Variants in HPN observed in about 807,000 individuals in gnomAD.
The protein encoded by HPN is hepsin, also known as serine protease hepsin.
HPN carries 13 observed loss-of-function variants against 55.9 expected under a neutral mutation model. The observed-to-expected ratio is 0.23, with a 90% CI of 0.15 to 0.37. The LOEUF (loss-of-function observed/expected upper bound fraction) is 0.37. Ranked by LOEUF, HPN falls within the 10% of genes least tolerant of loss-of-function variation. HPN has a pLI of 1.00. For synonymous variants in HPN, 225 were observed against 240.3 expected, an observed-to-expected ratio of 0.94 and a Z score of 0.59; for missense variants, 451 against 575.8, an observed-to-expected ratio of 0.78 and a Z score of 2.22.
chr19:35,046,643 C>T (rs950607956), intron 2 of HPN, among the ~76,000 whole-genome samples: 56 of 152,190 alleles, frequency 3.7e-4, no homozygotes, highest in African/African-American at 1.3e-3. Context: ...GTGCCGGGTT[C>T]ACCAGCCACA....
intron 2 of HPN, among the ~76,000 whole-genome samples, chr19:35,047,357 TG>T (rs763269272): frequency 6.6e-6 from 1 of 152,192 alleles, no homozygotes; most frequent in Non-Finnish European, 1.5e-5. Context: ...TGCCCTTCCT[TG>T]TGGTCTGTGT....
chr19:35,055,589 C>T (rs1449664099), intron 4 of HPN, among the ~76,000 whole-genome samples: 1 of 152,052 alleles, frequency 6.6e-6, no homozygotes, highest in African/African-American at 2.4e-5. Flanking sequence ...GAAACCCTGT[C>T]AGCTGCACCT....
Position 35,055,440 on chromosome 19 carries a change from C to G in HPN, c.161-4233C>G, listed in dbSNP as rs193122362. Among the ~76,000 whole-genome samples the G allele has an allele frequency of 5.2e-3, 782 of 151,748 alleles. 31 individuals carry two copies. In the South Asian group the frequency reaches 0.11, roughly 21 times the overall value. On this transcript the variant is annotated intron_variant, in intron 4 of 12. Coordinates refer to ENST00000672452, the MANE Select transcript of HPN (RefSeq NM_001384133.1). The stretch of plus-strand genomic sequence containing the variant: ...TGGCAGGGAGAAGGAAAGGAAAGGA[C>G]AAAGAGGTTCACAGCTGATCTCTCC...
intron 2 of HPN, among the ~76,000 whole-genome samples, chr19:35,047,863 G>A (rs537984253): frequency 3.4e-4 from 52 of 151,904 alleles, no homozygotes; most frequent in African/African-American, 1.2e-3. Context: ...CATGTGTGGT[G>A]GTGTGCGCCT....
rs981234605 is a variant in HPN at position 35,066,463 on chromosome 19, C to A, written c.*176C>A. 4.6e-5 allele frequency: 34 copies of A among 732,820 alleles called. No homozygotes were observed. The highest frequency in any genetic ancestry group is 5.7e-5 in the Non-Finnish European group (26 of 454,120). 45.4% of individuals were successfully genotyped at this position (732,820 alleles called of 1,614,324 possible). A position where few individuals can be genotyped will look rare whatever the true frequency, so the allele number is the denominator to read the frequency against. ...GGGCCCACTCAGCCCCGAGACCACC[C>A]AACCTCACCCTCCTGACCCCCATGT... On this transcript the variant is annotated 3_prime_UTR_variant, in exon 13 of 13. Transcript: ENST00000672452.
chr19:35,048,031 A>AAGAAAG (rs71165701), intron 2 of HPN, among the ~76,000 whole-genome samples: 1 of 38,372 alleles, frequency 2.6e-5, no homozygotes, highest in Non-Finnish European at 4.9e-5. Context: ...AGAGAGAAAA[A>AAGAAAG]GAAAGAAAGA....
rs147225576 is a variant in HPN at position 35,060,686 on chromosome 19, C to T, written c.680C>T (p.Pro227Leu). Residue 227 changes from proline to leucine, a missense_variant, in exon 9 of 13, where the codon CCC (proline) becomes CTC (leucine). Pro to Leu is a moderately conservative substitution (Grantham distance 98, BLOSUM62 -3). This residue lies in a region of HPN where 378 missense variants were observed against 445.5 expected (regional missense o/e 0.85). Transcript: ENST00000672452. ...VFAGAVAQAS[P>L]HGLQLGVQAV... ...GCCGGTGCCGTGGCCCAGGCCTCTC[C>T]CCACGGTCTGCAGCTGGGGGTGCAG... 172 of 1,614,070 alleles carry T rather than the reference C, an allele frequency of 1.1e-4. No individual in the cohort carries two copies. The highest frequency in any genetic ancestry group is 1.3e-4 in the Non-Finnish European group (150 of 1,180,032).
chr19:35,063,651 G>A (rs2064563416), intron 9 of HPN, among the ~76,000 whole-genome samples: 1 of 152,264 alleles, frequency 6.6e-6, no homozygotes, highest in South Asian at 2.1e-4. Flanking sequence ...GGAGGTTGCA[G>A]TGAGCCAAGA....
intron 9 of HPN, among the ~76,000 whole-genome samples, chr19:35,063,423 C>T (rs1186306168): frequency 2.0e-5 from 3 of 152,192 alleles, no homozygotes; most frequent in South Asian, 4.1e-4. Flanking sequence ...TAAAACCAAA[C>T]CCTGTCCTGA....
intron 4 of HPN, 95 bp from the exon 5 acceptor site, chr19:35,059,578 G>A: frequency 6.7e-7 from 1 of 1,481,614 alleles, no homozygotes. Flanking sequence ...TACACCACAT[G>A]GCTGGAGCAC....
chr19:35,042,025 C>T (rs2064299463), intron 1 of HPN, 153 bp downstream of exon 1: 2 of 1,156,806 alleles, frequency 1.7e-6, no homozygotes, highest in South Asian at 1.7e-5. Context: ...CCTAGGTGTT[C>T]TGTCCTGCTC....
At chr19:35,049,192 A>C in intron 2 of HPN, 98 bp from the exon 3 acceptor site, 1 of 785,138 alleles carries the variant, frequency 1.3e-6, no homozygotes, top group Non-Finnish European at 1.9e-6. Context: ...TGGGCATAAT[A>C]AGTTAGCCCT....
intron 2 of HPN, among the ~76,000 whole-genome samples, chr19:35,047,515 G>A (rs528694108): frequency 5.9e-5 from 9 of 152,216 alleles, no homozygotes; most frequent in Non-Finnish European, 1.2e-4. Flanking sequence ...GAAATTATTG[G>A]GTTCATTTAC....
chr19:35,066,354 C>T lies in HPN; in HGVS notation c.*67C>T. On this transcript the variant is annotated 3_prime_UTR_variant, in exon 13 of 13. Coordinates refer to ENST00000672452, the MANE Select transcript of HPN (RefSeq NM_001384133.1). ...TCCCGGTGGTGGGATCCACGCTGGG[C>T]CTAGGATGGGACGTTTTTCTTCTTG... 2 of 1,561,728 alleles carry T rather than the reference C, an allele frequency of 1.3e-6. No homozygotes were observed. The highest frequency in any genetic ancestry group is 1.7e-6 in the Non-Finnish European group (2 of 1,154,162).
chr19:35,064,418 G>A (rs2064576091), intron 9 of HPN, among the ~76,000 whole-genome samples: 2 of 151,348 alleles, frequency 1.3e-5, no homozygotes, highest in African/African-American at 2.4e-5. Context: ...GCGCAATCTC[G>A]GCTCCCTGCA....
At chr19:35,041,678 CCCCGCCCCTTCA>C (rs1244576902), upstream of HPN, 81 of 648,536 alleles carry the variant, frequency 1.2e-4, no homozygotes, top group Non-Finnish European at 1.6e-4. Context: ...TCCGGCCCCT[CCCCGCCCCTTCA>C]CCCGCCCCTC....
At chr19:35,061,947 A>G (rs1372379806) in intron 9 of HPN, among the ~76,000 whole-genome samples, 1 of 151,998 alleles carries the variant, frequency 6.6e-6, no homozygotes, top group Non-Finnish European at 1.5e-5. Context: ...AGTTCCAGTT[A>G]CTCAGGAGGC....
chr19:35,059,259 C>G (rs1259104065), intron 4 of HPN: 1 of 341,008 alleles, frequency 2.9e-6, no homozygotes, highest in African/African-American at 2.2e-5. Flanking sequence ...CCTAGGAGTT[C>G]AAGACCAGCC....
intron 9 of HPN, among the ~76,000 whole-genome samples, chr19:35,064,148 AT>A (rs2064570719): frequency 2.1e-5 from 1 of 48,234 alleles, no homozygotes; most frequent in Non-Finnish European, 7.0e-5. Flanking sequence ...AGGTGATGTC[AT>A]CAGCAGGCAG....
Sources: allele counts gnomAD v4.1 joint callset (sites outside exome capture counted in the v4.1 genomes callset), GRCh38; gene constraint gnomAD v4.1.1; regional missense constraint gnomAD v4.1.1; transcripts MANE v1.5; gene names NCBI Gene and HGNC (gene_info 2026-07-23, HGNC 2026-07-21).